CASK: variants seen among roughly 807,000 people sequenced by gnomAD.
CASK encodes calcium/calmodulin dependent serine protein kinase, also known as peripheral plasma membrane protein CASK.
CASK carries 4 observed loss-of-function variants against 82.9 expected under a neutral mutation model. The ratio of observed to expected loss-of-function variants is 0.05; its 90% CI spans 0.02 to 0.11. CASK has a LOEUF of 0.11. Ranked by LOEUF, CASK falls within the 10% of genes least tolerant of loss-of-function variation. CASK has a pLI of 1.00. For missense variants in CASK, 358 were observed against 720.9 expected, an observed-to-expected ratio of 0.50 and a Z score of 5.76; for synonymous variants, 259 against 253.5, an observed-to-expected ratio of 1.02 and a Z score of -0.20.
intron 3 of CASK, among the ~76,000 whole-genome samples, chrX:41,778,617 C>A (rs2069411588): frequency 2.7e-5 from 3 of 111,657 alleles, no homozygotes; most frequent in Non-Finnish European, 5.6e-5. Flanking sequence ...TATATGTACA[C>A]AAATTTATTC....
intron 25 of CASK, among the ~76,000 whole-genome samples, chrX:41,529,893 G>A (rs780959914): frequency 1.8e-5 from 2 of 111,610 alleles, no homozygotes; most frequent in Admixed American, 1.9e-4. Flanking sequence ...CTGGAGCCCA[G>A]AAACTGAGCT....
intron 6 of CASK, among the ~76,000 whole-genome samples, chrX:41,668,405 A>C (rs759154954): frequency 2.2e-4 from 25 of 112,248 alleles, no homozygotes; most frequent in Admixed American, 5.7e-4. Flanking sequence ...ACACGAATCT[A>C]TACAACTTTT....
chrX:41,727,675 G>A, intron 5 of CASK: 2 of 1,202,055 alleles, frequency 1.7e-6, no homozygotes, highest in South Asian at 3.5e-5. Context: ...CTTTTTAGTA[G>A]TACTAACATC....
At chrX:41,570,426 C>T (rs2065396897) in intron 15 of CASK, among the ~76,000 whole-genome samples, 1 of 111,547 alleles carries the variant, frequency 9.0e-6, no homozygotes, top group South Asian at 3.7e-4. Context: ...TTGACATACA[C>T]ATATTTAAAG....
chrX:41,758,734 A>G (rs2068942605), intron 3 of CASK, among the ~76,000 whole-genome samples: 1 of 112,321 alleles, frequency 8.9e-6, no homozygotes, highest in Non-Finnish European at 1.9e-5. Flanking sequence ...TATTTTTTCA[A>G]TATGAATGGT....
At chrX:41,635,147 G>A (rs1330515338) in intron 9 of CASK, among the ~76,000 whole-genome samples, 1 of 111,979 alleles carries the variant, frequency 8.9e-6, no homozygotes, top group African/African-American at 3.2e-5. Flanking sequence ...CACTTGAAAT[G>A]TGCTAGTGTG....
In CASK at chrX:41,517,532, A is replaced by G. The variant is rs906868183; in HGVS notation, c.*2888T>C. 3.0e-5 allele frequency: 9 copies of G among 299,491 alleles called. No individual in the cohort carries two copies. Among genetic ancestry groups the G allele is most frequent in the African/African-American group, 1.9e-4 (7 of 36,645 alleles). 24.7% of individuals were successfully genotyped at this position (299,491 alleles called of 1,213,427 possible). ...TTTCATCTTTTTAACAAAGAATTCA[A>G]CATATAAAAACACTCCCTTTCTTGC... is the stretch of plus-strand genomic sequence containing the variant. On this transcript the variant is annotated 3_prime_UTR_variant, in exon 27 of 27. Transcript: ENST00000378163.
chrX:41,598,080 A>G (rs933396127), intron 12 of CASK, among the ~76,000 whole-genome samples: 1 of 109,110 alleles, frequency 9.2e-6, no homozygotes, highest in Admixed American at 9.8e-5. Flanking sequence ...TCGAAGTTGC[A>G]ATGTGCTATG....
rs1474123307 is a variant in CASK at position 41,700,581 on chromosome X, T to G, written c.430-29051A>C. Among the ~76,000 whole-genome samples the G allele has an allele frequency of 1.2e-3, 8 of 6,889 alleles. No individual in the cohort carries two copies. The Admixed American group carries it at 0.014, about 12-fold the overall frequency. 6.0% of individuals were successfully genotyped at this position (6,889 alleles called of 115,157 possible). A position where few individuals can be genotyped will look rare whatever the true frequency, so the allele number is the denominator to read the frequency against. ...AAAAGTACAAAATACGTATATGACT[T>G]TTTTTTTTTTTTTTTTGAGACAGGG... On this transcript the variant is annotated intron_variant, in intron 5 of 26. Transcript: ENST00000378163.
intron 1 of CASK, among the ~76,000 whole-genome samples, chrX:41,873,283 C>CAAAAAAAAAA (rs1175165867): frequency 3.2e-5 from 1 of 31,298 alleles, no homozygotes; most frequent in Non-Finnish European, 5.5e-5. Context: ...TTCTTCCTCA[C>CAAAAAAAAAA]AAAAAAAAAA....
chrX:41,810,250 T>C (rs868319419), intron 2 of CASK, among the ~76,000 whole-genome samples: 2 of 111,389 alleles, frequency 1.8e-5, no homozygotes, highest in South Asian at 3.8e-4. Context: ...ACCACAAAGA[T>C]ACTCCTCGCG....
chrX:41,631,837 ATCACT>A (rs1025723120), intron 9 of CASK, among the ~76,000 whole-genome samples: 15 of 111,932 alleles, frequency 1.3e-4, no homozygotes, highest in Admixed American at 2.8e-4. Context: ...TAAGATCAAA[ATCACT>A]TCACTTATTA....
intron 1 of CASK, among the ~76,000 whole-genome samples, chrX:41,865,902 G>A (rs1012222904): frequency 8.9e-6 from 1 of 111,963 alleles, no homozygotes; most frequent in African/African-American, 3.2e-5. Context: ...GAAACCTTGA[G>A]GGGGAGGGGG....
intron 9 of CASK, 107 bp from the exon 10 acceptor site, chrX:41,626,810 T>C (rs2066386342): frequency 3.7e-6 from 2 of 540,753 alleles, no homozygotes; most frequent in African/African-American, 2.3e-5. Context: ...GTCAAATATA[T>C]AGGAGATGAT....
At chrX:41,701,721 C>T (rs2067795651) in intron 5 of CASK, among the ~76,000 whole-genome samples, 1 of 111,608 alleles carries the variant, frequency 9.0e-6, no homozygotes, top group Admixed American at 9.5e-5. Context: ...TAAGTTTGTT[C>T]GAAACTTCTA....
At chrX:41,887,697 A>G (rs1486007526) in intron 1 of CASK, among the ~76,000 whole-genome samples, 1 of 111,199 alleles carries the variant, frequency 9.0e-6, no homozygotes, top group Non-Finnish European at 1.9e-5. Context: ...TCTTTTTAAG[A>G]CCTATACAAA....
intron 14 of CASK, among the ~76,000 whole-genome samples, chrX:41,581,118 C>T (rs2065570547): frequency 8.9e-6 from 1 of 112,009 alleles, no homozygotes; most frequent in South Asian, 3.7e-4. Context: ...GTAGCTCATG[C>T]TTGTAATCCC....
chrX:41,780,268 C>T (rs2069448653), intron 3 of CASK, among the ~76,000 whole-genome samples: 1 of 112,246 alleles, frequency 8.9e-6, no homozygotes, highest in Non-Finnish European at 1.9e-5. Flanking sequence ...TATGTTTCAG[C>T]AAATTGCTAC....
chrX:41,553,784 C>T lies in CASK; in HGVS notation c.1974G>A (p.Gln658=). The T allele has an allele frequency of 8.3e-7, 1 of 1,205,931 alleles. No homozygotes were observed. The highest frequency in any genetic ancestry group is 1.1e-6 in the Non-Finnish European group (1 of 890,366). The change falls in exon 21 of 27, where the codon CAG becomes CAA. Residue 658 remains glutamine, a synonymous_variant. Coordinates refer to ENST00000378163, the MANE Select transcript of CASK (RefSeq NM_001367721.1). ...IISKDDHNWW[Q]GKLENSKNGT... ...CATTTTTGGAGTTTTCCAGTTTACC[C>T]TGCCACCAATTATGATCATCCTTAC...
Sources: allele counts gnomAD v4.1 joint callset (sites outside exome capture counted in the v4.1 genomes callset), GRCh38; gene constraint gnomAD v4.1.1; transcripts MANE v1.5; gene names NCBI Gene and HGNC (gene_info 2026-07-23, HGNC 2026-07-21).